NAALADL2: variants seen among roughly 807,000 people sequenced by gnomAD.
NAALADL2 encodes N-acetylated alpha-linked acidic dipeptidase like 2.
A neutral mutation model predicts 87.2 loss-of-function variants in NAALADL2; 76 were observed. The ratio of observed to expected loss-of-function variants is 0.87; its 90% CI spans 0.72 to 1.05. NAALADL2 has a LOEUF of 1.05. NAALADL2 is among the 50% of genes least tolerant of loss of function. The probability of loss-of-function intolerance (pLI) is 0.00; values close to 1 mark genes in which losing one functional copy is unlikely to be tolerated. For missense variants in NAALADL2, 1,089 were observed against 945.8 expected, an observed-to-expected ratio of 1.15 and a Z score of -1.99; for synonymous variants, 354 against 331.0, an observed-to-expected ratio of 1.07 and a Z score of -0.75.
At chr3:174,472,365 T>C (rs1026669572) in intron 1 of NAALADL2, among the ~76,000 whole-genome samples, 3 of 152,228 alleles carry the variant, frequency 2.0e-5, no homozygotes, top group African/African-American at 7.2e-5. Flanking sequence ...CAGCTAAGTT[T>C]ATGGCACTGC....
intron 2 of NAALADL2, among the ~76,000 whole-genome samples, chr3:174,663,606 A>G (rs1035292141): frequency 6.6e-6 from 1 of 152,136 alleles, no homozygotes; most frequent in African/African-American, 2.4e-5. Flanking sequence ...GAATTCACTC[A>G]ATCCTGAGAT....
intron 4 of NAALADL2, among the ~76,000 whole-genome samples, chr3:175,286,636 G>T (rs910539093): frequency 2.6e-5 from 4 of 151,976 alleles, no homozygotes; most frequent in Non-Finnish European, 5.9e-5. Context: ...TTGTTTGATT[G>T]TTTCTGTAAT....
intron 1 of NAALADL2, among the ~76,000 whole-genome samples, chr3:175,076,948 G>A (rs533460666): frequency 3.5e-4 from 53 of 152,254 alleles, no homozygotes; most frequent in African/African-American, 1.2e-3. Context: ...GGCATATGGT[G>A]TTCTATAATA....
In NAALADL2 at chr3:175,465,207, A is replaced by G. The variant is rs965720722; in HGVS notation, c.1327+1714A>G. 2.9e-4 allele frequency among the ~76,000 whole-genome samples: 43 copies of G among 150,466 alleles called. 3 individuals carry two copies. Among genetic ancestry groups the G allele is most frequent in the Admixed American group, 1.3e-3 (19 of 14,988 alleles). On this transcript the variant is annotated intron_variant, in intron 7 of 13. Coordinates refer to ENST00000454872, the MANE Select transcript of NAALADL2 (RefSeq NM_207015.3). The stretch of plus-strand genomic sequence containing the variant: ...GCGGAGCTTGCAGTGAGCAGAGATC[A>G]CGCCACTGCACTCCAGCCTGGGCGA...
chr3:174,781,485 A>G (rs887136477), intron 3 of NAALADL2, among the ~76,000 whole-genome samples: 57 of 151,718 alleles, frequency 3.8e-4, no homozygotes, highest in African/African-American at 1.4e-3. Context: ...TTGAATTTCA[A>G]TGACCTGATA....
intron 13 of NAALADL2, among the ~76,000 whole-genome samples, chr3:175,788,906 C>G (rs977985392): frequency 3.3e-5 from 5 of 152,152 alleles, no homozygotes; most frequent in Non-Finnish European, 5.9e-5. Context: ...GGTATTTTTA[C>G]AAATGATCTC....
intron 5 of NAALADL2, among the ~76,000 whole-genome samples, chr3:175,420,278 C>G (rs557828861): frequency 6.6e-6 from 1 of 152,160 alleles, no homozygotes; most frequent in African/African-American, 2.4e-5. Context: ...TTGGCACTTT[C>G]ATCGTCTATC....
chr3:175,099,870 G>A (rs7613124), intron 2 of NAALADL2, among the ~76,000 whole-genome samples: 2,831 of 152,056 alleles, frequency 0.019, 91 homozygotes, highest in African/African-American at 0.065. Flanking sequence ...TAGACATTGA[G>A]TAATTATTTT....
chr3:175,285,776 A>G (rs1332364651), intron 4 of NAALADL2, among the ~76,000 whole-genome samples: 3 of 152,146 alleles, frequency 2.0e-5, no homozygotes, highest in Non-Finnish European at 2.9e-5. Context: ...AATGCAAAGC[A>G]TTAACATGTT....
At chr3:174,638,500 T>C (rs1356151255) in intron 2 of NAALADL2, among the ~76,000 whole-genome samples, 1 of 152,012 alleles carries the variant, frequency 6.6e-6, no homozygotes, top group Admixed American at 6.6e-5. Context: ...AAGGATGAAG[T>C]AGAGGTAAAC....
chr3:174,768,669 A>G (rs1371424268), intron 3 of NAALADL2, among the ~76,000 whole-genome samples: 2 of 152,302 alleles, frequency 1.3e-5, no homozygotes, highest in African/African-American at 4.8e-5. Flanking sequence ...ATTATAAAAT[A>G]TGGTTAAAAG....
At chr3:175,243,163 CTCTT>C (rs1747260980) in intron 3 of NAALADL2, among the ~76,000 whole-genome samples, 1 of 150,172 alleles carries the variant, frequency 6.7e-6, no homozygotes, top group South Asian at 2.1e-4. Context: ...TTGCCATTAT[CTCTT>C]TCTTGCTATT....
chr3:175,416,552 C>T (rs1266832851), intron 5 of NAALADL2, among the ~76,000 whole-genome samples: 2 of 152,020 alleles, frequency 1.3e-5, no homozygotes, highest in Non-Finnish European at 2.9e-5. Flanking sequence ...AAGTATTGTG[C>T]TAATGACAAG....
chr3:175,396,214 C>A (rs1218203972), intron 5 of NAALADL2, among the ~76,000 whole-genome samples: 4 of 152,022 alleles, frequency 2.6e-5, no homozygotes. Context: ...GGACAAAATA[C>A]AATGATGTTG....
intron 1 of NAALADL2, among the ~76,000 whole-genome samples, chr3:174,470,902 C>G (rs375466717): frequency 3.3e-5 from 5 of 151,998 alleles, no homozygotes; most frequent in East Asian, 1.9e-4. Flanking sequence ...TTTAATGCTT[C>G]CTTTTTGTTG....
chr3:175,697,400 GACACACACACACACAC>G (rs57471272), intron 11 of NAALADL2, among the ~76,000 whole-genome samples: 20 of 145,238 alleles, frequency 1.4e-4, no homozygotes, highest in Admixed American at 2.8e-4. Context: ...GCTGCACACA[GACACACACACACACAC>G]ACACACACAC....
intron 12 of NAALADL2, among the ~76,000 whole-genome samples, chr3:175,754,112 A>C (rs1256365662): frequency 6.6e-6 from 1 of 152,196 alleles, no homozygotes; most frequent in Non-Finnish European, 1.5e-5. Context: ...TTTTTAAAGA[A>C]GGTCTTGAAT....
At chr3:175,095,752 G>A (rs1312327667) in intron 1 of NAALADL2, among the ~76,000 whole-genome samples, 2 of 151,966 alleles carry the variant, frequency 1.3e-5, no homozygotes, top group African/African-American at 4.8e-5. Context: ...TGTGTTCTTT[G>A]CCCACCACAG....
At chr3:174,615,468 A>G (rs559245415) in intron 2 of NAALADL2, among the ~76,000 whole-genome samples, 6 of 152,340 alleles carry the variant, frequency 3.9e-5, no homozygotes, top group Admixed American at 1.3e-4. Context: ...TGCAGGAAAC[A>G]GTCACAAAGC....
Sources: gnomAD v4.1 joint callset for allele counts (sites outside exome capture counted in the v4.1 genomes callset) on GRCh38, gnomAD v4.1.1 for gene constraint, MANE v1.5 for transcripts, NCBI Gene and HGNC (gene_info 2026-07-23, HGNC 2026-07-21) for gene names.